DYRK4: variants seen among roughly 807,000 people sequenced by gnomAD.
The protein encoded by DYRK4 is dual specificity tyrosine phosphorylation regulated kinase 4, also known as dual specificity tyrosine-phosphorylation-regulated kinase 4.
A neutral mutation model predicts 68.3 loss-of-function variants in DYRK4; 64 were observed. The ratio of observed to expected loss-of-function variants is 0.94; its 90% CI spans 0.77 to 1.15. The LOEUF is 1.15. Among genes scored for constraint, DYRK4 ranks in the 50% most tolerant of loss-of-function variants. DYRK4 has a pLI of 0.00. For missense variants in DYRK4, 740 were observed against 764.7 expected (o/e 0.97, Z 0.38); for synonymous variants, 274 against 289.9 (o/e 0.95, Z 0.56).
At chr12:4,592,687 A>T in intron 5 of DYRK4, 1 of 219,346 alleles carries the variant, frequency 4.6e-6, no homozygotes, top group South Asian at 1.1e-4. Context: ...CCTAAACTAT[A>T]TACTATTGTC....
chr12:4,587,278 C>T (rs544470953), intron 2 of DYRK4, among the ~76,000 whole-genome samples: 1 of 152,258 alleles, frequency 6.6e-6, no homozygotes, highest in African/African-American at 2.4e-5. Flanking sequence ...ACTGAGCAAG[C>T]ATGCTCTCTA....
rs200883816 is a variant in DYRK4 at position 4,611,831 on chromosome 12, TC to T, written c.1491-711del. On this transcript the variant is annotated intron_variant, in intron 13 of 14. Coordinates refer to ENST00000543431, the MANE Select transcript of DYRK4 (RefSeq NM_001394779.1). Reference sequence around the variant, plus strand: ...TTAGTTAGTAGCGATGTAAATATTTTCAGATGGTTGAAGGACTGAACCATAA... The same window carrying T: ...TTAGTTAGTAGCGATGTAAATATTTTAGATGGTTGAAGGACTGAACCATAA... 7.2e-3 allele frequency among the ~76,000 whole-genome samples: 1,104 copies of T among 152,318 alleles called. 21 individuals carry two copies. Among genetic ancestry groups the T allele is most frequent in the African/African-American group, 0.025 (1,030 of 41,570 alleles).
Position 4,610,302 on chromosome 12 carries a change from T to G in DYRK4, c.1490+18T>G. 6.6e-7 allele frequency: 1 copy of G among 1,517,100 alleles called. No homozygotes were observed. The highest frequency in any genetic ancestry group is 8.8e-7 in the Non-Finnish European group (1 of 1,136,906). The allele number at this position is 1,517,100 out of a possible 1,614,324, so 94.0% of individuals were successfully genotyped here. On this transcript the variant is annotated intron_variant, in intron 13 of 14. Coordinates refer to ENST00000543431, the MANE Select transcript of DYRK4 (RefSeq NM_001394779.1). ...TGTTTGGTGTGAGTTTGTTGGGACA[T>G]CTCTGCTTCTGGGTTTCCTCTTAAA...
intron 2 of DYRK4, chr12:4,573,336 A>C (rs1383337804): frequency 7.8e-7 from 1 of 1,286,528 alleles, no homozygotes; most frequent in Admixed American, 2.3e-5. Context: ...CTAGGGCCCC[A>C]CTCTTTCTGA....
At chr12:4,570,699 C>A (rs1370550112) in intron 2 of DYRK4, among the ~76,000 whole-genome samples, 1 of 152,090 alleles carries the variant, frequency 6.6e-6, no homozygotes, top group African/African-American at 2.4e-5. Context: ...ATGTTTTTCA[C>A]AATATTTAAA....
chr12:4,569,746 C>T (rs1382872418), intron 2 of DYRK4, among the ~76,000 whole-genome samples: 6 of 152,050 alleles, frequency 3.9e-5, no homozygotes, highest in African/African-American at 1.4e-4. Context: ...CAGGTGTGAG[C>T]CACCACACCC....
intron 8 of DYRK4, among the ~76,000 whole-genome samples, chr12:4,597,859 G>A (rs1945035948): frequency 6.6e-6 from 1 of 152,160 alleles, no homozygotes; most frequent in African/African-American, 2.4e-5. Flanking sequence ...GGCCAACGTG[G>A]TGAAACCCCA....
chr12:4,602,709 C>A (rs1945094939), intron 10 of DYRK4: 12 of 1,477,606 alleles, frequency 8.1e-6, no homozygotes, highest in Non-Finnish European at 1.1e-5. Flanking sequence ...GAGGCAAATA[C>A]CCCTGACTCT....
At chr12:4,580,276 T>A (rs1944828787) in intron 2 of DYRK4, among the ~76,000 whole-genome samples, 1 of 152,086 alleles carries the variant, frequency 6.6e-6, no homozygotes, top group South Asian at 2.1e-4. Context: ...GGCTACTACA[T>A]CAACGAGATG....
chr12:4,572,442 T>C (rs71435062), intron 2 of DYRK4, among the ~76,000 whole-genome samples: 65,478 of 151,766 alleles, frequency 0.43, 14,471 homozygotes, highest in Middle Eastern at 0.49. Flanking sequence ...CCACCACACC[T>C]GGCTAATTTT....
chr12:4,592,022 A>G (rs1477498143), intron 5 of DYRK4, among the ~76,000 whole-genome samples: 1 of 152,162 alleles, frequency 6.6e-6, no homozygotes, highest in Non-Finnish European at 1.5e-5. Flanking sequence ...AAGAGAGCCC[A>G]AATCCACCGA....
At position 4,574,569 on chromosome 12, in the gene DYRK4, T is replaced by C. The variant is rs568981576; in HGVS notation, c.132+6521T>C. 6.6e-5 allele frequency among the ~76,000 whole-genome samples: 10 copies of C among 152,334 alleles called. No homozygotes were observed. The East Asian group carries it at 1.9e-3, about 29-fold the overall frequency. On this transcript the variant is annotated intron_variant, in intron 2 of 14. Coordinates refer to ENST00000543431, the MANE Select transcript of DYRK4 (RefSeq NM_001394779.1). ...GATCATTACCTGTGCCCCGAGTCTT[T>C]AAATACTATGAATATCACCTCTGTT...
At position 4,592,946 on chromosome 12, in the gene DYRK4, G is replaced by A. The variant is rs549254908; in HGVS notation, c.464-56G>A. 4.5e-5 allele frequency: 71 copies of A among 1,575,240 alleles called. 1 individual carries two copies. The highest frequency in any genetic ancestry group is 3.6e-4 in the South Asian group (31 of 86,866). On this transcript the variant is annotated intron_variant, in intron 5 of 14. Transcript: ENST00000543431. ...GGAAGGGATGCCATCGTCTGCATCC[G>A]GGGCAAATCCCATGCTGCCTCAACT... is the stretch of plus-strand genomic sequence containing the variant.
At chr12:4,567,111 T>G (rs181712945) in intron 1 of DYRK4, among the ~76,000 whole-genome samples, 281 of 152,348 alleles carry the variant, frequency 1.8e-3, no homozygotes, top group Non-Finnish European at 3.2e-3. Context: ...TTTTCAATAG[T>G]TATACTGCAA....
chr12:4,613,078 A>G lies in DYRK4; in HGVS notation c.1666+360A>G, dbSNP rs1437400011. ...TTTCCTTTCTCCTCCTCCCTTTTTC[A>G]TTAACTGCGTCCACCCCTTTATGCC... On this transcript the variant is annotated intron_variant, in intron 14 of 14. Coordinates refer to ENST00000543431, the MANE Select transcript of DYRK4 (RefSeq NM_001394779.1). This position sits in a 1 kb window ranked among gnomAD's most constrained non-coding sequence, Gnocchi z 4.0. 2.6e-5 allele frequency among the ~76,000 whole-genome samples: 4 copies of G among 151,792 alleles called. No homozygotes were observed. The highest frequency in any genetic ancestry group is 4.4e-5 in the Non-Finnish European group (3 of 67,932).
Position 4,591,079 on chromosome 12 carries a change from T to G in DYRK4, c.325-81T>G, listed in dbSNP as rs528319681. 72 of 1,513,260 alleles carry G rather than the reference T, an allele frequency of 4.8e-5. No homozygotes were observed. In the African/African-American group the frequency reaches 8.2e-4, roughly 17 times the overall value. The allele number at this position is 1,513,260 out of a possible 1,614,324, so 93.7% of individuals were successfully genotyped here. A position where few individuals can be genotyped will look rare whatever the true frequency, so the allele number is the denominator to read the frequency against. On this transcript the variant is annotated intron_variant, in intron 4 of 14. Transcript: ENST00000543431. This position sits in a 1 kb window ranked among gnomAD's most constrained non-coding sequence, Gnocchi z 4.1. ...GGTAAAGAGCCTGGCTGAAGGTGGG[T>G]GTCTTTGGTTAAATAAATGGTTTAT...
chr12:4,595,763 GA>G (rs1039109915), intron 6 of DYRK4, among the ~76,000 whole-genome samples: 22 of 152,196 alleles, frequency 1.4e-4, no homozygotes, highest in African/African-American at 5.3e-4. Context: ...TGTCCAAACT[GA>G]AAGGGACTTT....
At chr12:4,567,807 A>G (rs575174085) in intron 1 of DYRK4, 148 bp from the exon 2 acceptor site, 46 of 649,606 alleles carry the variant, frequency 7.1e-5, no homozygotes, top group Non-Finnish European at 1.2e-4. Flanking sequence ...GAAGGGAAGC[A>G]AGGGAGAAGC....
At chr12:4,562,342 A>G in intron 1 of DYRK4, 59 bp downstream of exon 1, 9 of 1,503,004 alleles carry the variant, frequency 6.0e-6, no homozygotes, top group Non-Finnish European at 8.0e-6. Flanking sequence ...GAGGCAGGCG[A>G]CGAAGCTTCT....
Sources: gnomAD v4.1 joint callset for allele counts (sites outside exome capture counted in the v4.1 genomes callset) on GRCh38, gnomAD v4.1.1 for gene constraint, Gnocchi (gnomAD v3.1) non-coding constraint, MANE v1.5 for transcripts, NCBI Gene and HGNC (gene_info 2026-07-23, HGNC 2026-07-21) for gene names.